CDC42BPA: variants seen among roughly 807,000 people sequenced by gnomAD.
CDC42BPA encodes the protein serine/threonine-protein kinase MRCK alpha.
CDC42BPA carries 80 observed loss-of-function variants against 223.5 expected under a neutral mutation model. The observed-to-expected ratio is 0.36, with a 90% CI of 0.30 to 0.43. The LOEUF (loss-of-function observed/expected upper bound fraction) is 0.43, where lower values mean the gene tolerates loss of function less well. Among genes scored for constraint, CDC42BPA ranks in the 20% least tolerant of loss-of-function variants. The pLI is 1.00. For missense variants in CDC42BPA, 1,743 were observed against 2,099.9 expected (o/e 0.83, Z 3.32); for synonymous variants, 694 against 718.6 (o/e 0.97, Z 0.55).
chr1:227,003,259 T>G (rs2148340922), intron 35 of CDC42BPA, among the ~76,000 whole-genome samples: 1 of 152,348 alleles, frequency 6.6e-6, no homozygotes, highest in Non-Finnish European at 1.5e-5. Context: ...TTGGATTTAG[T>G]GCAGTTACTT....
At chr1:227,079,967 A>G (rs1382904872) in intron 17 of CDC42BPA, among the ~76,000 whole-genome samples, 1 of 151,892 alleles carries the variant, frequency 6.6e-6, no homozygotes, top group Admixed American at 6.6e-5. Flanking sequence ...TCTTATAAAC[A>G]TAGCCTGAAG....
chr1:227,022,747 C>T (rs1441228337), intron 32 of CDC42BPA, among the ~76,000 whole-genome samples: 2 of 152,168 alleles, frequency 1.3e-5, no homozygotes, highest in African/African-American at 4.8e-5. Context: ...ATCCTCCCCT[C>T]CTGTCTGTAA....
chr1:227,210,855 T>C (rs1404303928), intron 3 of CDC42BPA, among the ~76,000 whole-genome samples: 1 of 152,180 alleles, frequency 6.6e-6, no homozygotes, highest in African/African-American at 2.4e-5. Context: ...TCCAAGGCCA[T>C]GTCCTTCAGG....
intron 15 of CDC42BPA, among the ~76,000 whole-genome samples, chr1:227,100,769 TGTGTGTGTGC>T (rs141313832): frequency 0.068 from 10,186 of 149,998 alleles, 525 homozygotes; most frequent in East Asian, 0.25. Flanking sequence ...TGTGTGTGTG[TGTGTGTGTGC>T]GTGTGCCATC....
chr1:227,285,407 T>C (rs1292875552), intron 1 of CDC42BPA, among the ~76,000 whole-genome samples: 1 of 152,196 alleles, frequency 6.6e-6, no homozygotes, highest in East Asian at 1.9e-4. Context: ...CTTACGTAAT[T>C]ATTTAATAAC....
chr1:227,316,030 G>C (rs1694331744), intron 1 of CDC42BPA, among the ~76,000 whole-genome samples: 1 of 149,162 alleles, frequency 6.7e-6, no homozygotes, highest in South Asian at 2.1e-4. Context: ...CTTGGGAACA[G>C]ATATTTTAGC....
At chr1:227,037,778 C>A (rs1254286683) in intron 24 of CDC42BPA, among the ~76,000 whole-genome samples, 1 of 152,122 alleles carries the variant, frequency 6.6e-6, no homozygotes, top group East Asian at 1.9e-4. Flanking sequence ...ATGGAAAATG[C>A]ATATTATGGA....
chr1:227,121,653 T>C (rs865775141), intron 11 of CDC42BPA, among the ~76,000 whole-genome samples: 1 of 152,212 alleles, frequency 6.6e-6, no homozygotes, highest in South Asian at 2.1e-4. Flanking sequence ...TTTAGTCTTA[T>C]ATTCAGAAAA....
chr1:227,115,732 C>T (rs1279066186), intron 12 of CDC42BPA, among the ~76,000 whole-genome samples: 1 of 151,430 alleles, frequency 6.6e-6, no homozygotes, highest in Non-Finnish European at 1.5e-5. Context: ...TAGAAGTCAA[C>T]AAAAAAAGAT....
At chr1:227,165,740 G>T (rs931937000) in intron 5 of CDC42BPA, among the ~76,000 whole-genome samples, 1 of 152,054 alleles carries the variant, frequency 6.6e-6, no homozygotes, top group Non-Finnish European at 1.5e-5. Context: ...TCCAAAATTC[G>T]CAAATCTAGA....
intron 18 of CDC42BPA, 116 bp downstream of exon 18, chr1:227,074,143 C>CT: frequency 7.5e-7 from 1 of 1,327,806 alleles, no homozygotes; most frequent in Non-Finnish European, 1.1e-6. Context: ...ATAAAAAACT[C>CT]TTTAGTAGGC....
rs144052203 is a variant in CDC42BPA at position 227,048,127 on chromosome 1, CTAAT to C, written c.3010-121_3010-118del. ...AACATCAATAAGGCAAAAAGTTCTACTAATTAATAATAAAGAAAACCTCAATAAA... is the reference window on the plus strand; with the variant it reads ...AACATCAATAAGGCAAAAAGTTCTACTAATAATAAAGAAAACCTCAATAAA... On this transcript the variant is annotated intron_variant, in intron 22 of 36. Transcript: ENST00000366766. 2,097 of 527,752 alleles carry C rather than the reference CTAAT, an allele frequency of 4.0e-3. 42 individuals are homozygous for C. Among genetic ancestry groups the C allele is most frequent in the African/African-American group, 0.036 (1,863 of 51,840 alleles). 32.7% of individuals were successfully genotyped at this position (527,752 alleles called of 1,614,324 possible). A position where few individuals can be genotyped will look rare whatever the true frequency, so the allele number is the denominator to read the frequency against.
chr1:227,191,775 C>A (rs1669751852), intron 5 of CDC42BPA, among the ~76,000 whole-genome samples: 1 of 152,034 alleles, frequency 6.6e-6, no homozygotes, highest in Non-Finnish European at 1.5e-5. Flanking sequence ...CAAAATAGCA[C>A]TTTCGTTTCT....
chr1:227,180,930 A>G (rs1217765120), intron 5 of CDC42BPA, among the ~76,000 whole-genome samples: 1 of 152,028 alleles, frequency 6.6e-6, no homozygotes, highest in Non-Finnish European at 1.5e-5. Flanking sequence ...TTCAACCTGA[A>G]ATTAGGCCTT....
chr1:227,168,967 T>C (rs1331019561), intron 5 of CDC42BPA, among the ~76,000 whole-genome samples: 1 of 152,228 alleles, frequency 6.6e-6, no homozygotes, highest in African/African-American at 2.4e-5. Flanking sequence ...CTTGGACTAC[T>C]ATTATTTTAA....
intron 17 of CDC42BPA, among the ~76,000 whole-genome samples, chr1:227,078,453 G>A (rs1354041789): frequency 6.6e-6 from 1 of 152,094 alleles, no homozygotes; most frequent in African/African-American, 2.4e-5. Context: ...TGCCTTATGT[G>A]AGGAAAACAC....
At chr1:227,181,249 T>A (rs1212931240) in intron 5 of CDC42BPA, among the ~76,000 whole-genome samples, 2 of 152,168 alleles carry the variant, frequency 1.3e-5, no homozygotes, top group African/African-American at 4.8e-5. Context: ...CAAAATAGTA[T>A]TTCAATTAAC....
intron 4 of CDC42BPA, among the ~76,000 whole-genome samples, chr1:227,198,795 C>A (rs1221250801): frequency 6.6e-6 from 1 of 151,676 alleles, no homozygotes; most frequent in African/African-American, 2.4e-5. Context: ...TGCTCTGTCA[C>A]CCAGGCTGGA....
At chr1:227,109,983 T>C (rs1285047059) in intron 14 of CDC42BPA, among the ~76,000 whole-genome samples, 1 of 152,132 alleles carries the variant, frequency 6.6e-6, no homozygotes, top group Non-Finnish European at 1.5e-5. Flanking sequence ...AAATCATCTG[T>C]ACATGTTCGG....
Sources: allele counts gnomAD v4.1 joint callset (sites outside exome capture counted in the v4.1 genomes callset), GRCh38; gene constraint gnomAD v4.1.1; transcripts MANE v1.5; gene names NCBI Gene and HGNC (gene_info 2026-07-23, HGNC 2026-07-21).